SEPTIN12: variants seen among roughly 807,000 people sequenced by gnomAD.
The protein encoded by SEPTIN12 is septin-12.
Under a neutral mutation model 37.7 loss-of-function variants are expected in SEPTIN12, and 42 were observed. The ratio of observed to expected loss-of-function variants is 1.11; its 90% CI spans 0.87 to 1.44. SEPTIN12 has a LOEUF of 1.44. Ranked by LOEUF, SEPTIN12 falls within the 40% of genes most tolerant of loss-of-function variation. The pLI, the probability that SEPTIN12 is intolerant of heterozygous loss-of-function variation, is 0.00. For missense variants in SEPTIN12, 613 were observed against 479.2 expected, an observed-to-expected ratio of 1.28 and a Z score of -2.61; for synonymous variants, 254 against 196.7, an observed-to-expected ratio of 1.29 and a Z score of -2.44.
chr16:4,789,756 G>A (rs2082521589), upstream of SEPTIN12, among the ~76,000 whole-genome samples: 1 of 151,984 alleles, frequency 6.6e-6, no homozygotes. Flanking sequence ...ACCATGCCCA[G>A]CCTGATAAGC....
rs765671529 is a variant in SEPTIN12 at position 4,786,022 on chromosome 16, C to T, written c.250G>A (p.Val84Met). The change falls in exon 3 of 10, where the codon GTG (valine) becomes ATG (methionine). Residue 84 changes from valine (V) to methionine (M), a missense_variant. Transcript: ENST00000268231. ...AGCTGCAGCGTCTGGGGTGTGGGCACCCCCAAGCCCGGTGGGTTTGACTTC... is the reference window on the plus strand; with the variant it reads ...AGCTGCAGCGTCTGGGGTGTGGGCATCCCCAAGCCCGGTGGGTTTGACTTC... ...VWKSNPPGLGVPTPQTLQLHS... is the reference protein window; with the variant it reads ...VWKSNPPGLGMPTPQTLQLHS... 3.1e-6 allele frequency: 5 copies of T among 1,613,756 alleles called. No homozygotes were observed. In the East Asian group the frequency reaches 6.7e-5, roughly 22 times the overall value.
rs2082477024 is a variant in SEPTIN12, at chr16:4,787,570, T to C, written c.76A>G (p.Met26Val). The C allele has an allele frequency of 1.2e-6, 2 of 1,610,140 alleles. No homozygotes were observed. Among genetic ancestry groups the C allele is most frequent in the African/African-American group, 1.3e-5 (1 of 74,906 alleles). Residue 26 changes from methionine (M) to valine (V), a missense_variant, in exon 2 of 10, where the codon ATG becomes GTG. Physicochemically the swap from Met to Val is conservative, Grantham distance 21. Coordinates refer to ENST00000268231, the MANE Select transcript of SEPTIN12 (RefSeq NM_144605.5). ...GCCTCAATGCCCACAGGACCAAGCATCTCGCAGGGTGGGGTGCTGGGGCTG... is the reference window on the plus strand; with the variant it reads ...GCCTCAATGCCCACAGGACCAAGCACCTCGCAGGGTGGGGTGCTGGGGCTG... ...PSSPSTPPCE[M>V]LGPVGIEAVL...
In SEPTIN12 at chr16:4,783,633, C is replaced by T. The variant is rs567456707; in HGVS notation, c.630+16G>A. ...TGCCCCCGCTGACCCCAGCCCTGCC[C>T]GGGCATCCAGATCACCCTGCGCCTG... is the stretch of plus-strand genomic sequence containing the variant. On this transcript the variant is annotated intron_variant, in intron 6 of 9. Coordinates refer to ENST00000268231, the MANE Select transcript of SEPTIN12 (RefSeq NM_144605.5). 27 of 1,612,618 alleles carry T rather than the reference C, an allele frequency of 1.7e-5. No individual in the cohort carries two copies. The highest frequency in any genetic ancestry group is 1.5e-4 in the African/African-American group (11 of 75,042).
chr16:4,789,707 C>G (rs1182570084), upstream of SEPTIN12, among the ~76,000 whole-genome samples: 2 of 152,110 alleles, frequency 1.3e-5, no homozygotes, highest in African/African-American at 4.8e-5. Flanking sequence ...GATCCTCTCA[C>G]CTCAGCCTCC....
chr16:4,790,437 C>A (rs889534109), upstream of SEPTIN12, among the ~76,000 whole-genome samples: 2 of 152,186 alleles, frequency 1.3e-5, 1 homozygote, highest in Admixed American at 1.3e-4. Context: ...TACCTTCTGC[C>A]AGTTCTTCCT....
rs1003907586 is a variant in SEPTIN12, at chr16:4,779,883, C to G, written c.727-97G>C. On this transcript the variant is annotated intron_variant, in intron 7 of 9. Coordinates refer to ENST00000268231, the MANE Select transcript of SEPTIN12 (RefSeq NM_144605.5). ...CCAGGCAGGAGAGGGGAGTCCTATCCTTTTCGAGGAGGGAACATGGTAGAA... is the reference window on the plus strand; with the variant it reads ...CCAGGCAGGAGAGGGGAGTCCTATCGTTTTCGAGGAGGGAACATGGTAGAA... 5.4e-5 allele frequency: 42 copies of G among 780,404 alleles called. 1 individual carries two copies. In the South Asian group the frequency reaches 5.8e-4, roughly 11 times the overall value. 48.3% of individuals were successfully genotyped at this position (780,404 alleles called of 1,614,324 possible).
intron 8 of SEPTIN12, 128 bp downstream of exon 8, chr16:4,779,562 T>C (rs867248989): frequency 2.7e-4 from 189 of 703,478 alleles, no homozygotes; most frequent in Middle Eastern, 8.0e-4. Flanking sequence ...AGAGGGACCA[T>C]TCCCCAGGGC....
upstream of SEPTIN12, among the ~76,000 whole-genome samples, chr16:4,788,938 G>C (rs2082504130): frequency 6.6e-6 from 1 of 152,184 alleles, no homozygotes; most frequent in Admixed American, 6.6e-5. Context: ...CCTGACTTGA[G>C]ATGCCCTCTT....
In SEPTIN12 at chr16:4,787,574, G is replaced by C; in HGVS notation, c.72C>G (p.Cys24Trp). ...SQPSSPSTPP[C>W]EMLGPVGIEA... The stretch of plus-strand genomic sequence containing the variant: ...CAATGCCCACAGGACCAAGCATCTC[G>C]CAGGGTGGGGTGCTGGGGCTGGAGG... The change falls in exon 2 of 10, where the codon TGC becomes TGG. Residue 24 changes from cysteine (C) to tryptophan (W), a missense_variant. Physicochemically the swap from Cys to Trp is radical, Grantham distance 215 (BLOSUM62 -2). Coordinates refer to ENST00000268231, the MANE Select transcript of SEPTIN12 (RefSeq NM_144605.5). The C allele has an allele frequency of 6.2e-7, 1 of 1,609,612 alleles. No individual in the cohort carries two copies. Among genetic ancestry groups the C allele is most frequent in the Non-Finnish European group, 8.5e-7 (1 of 1,179,538 alleles).
intron 4 of SEPTIN12, 191 bp from the exon 5 acceptor site, chr16:4,784,259 C>T: frequency 1.7e-6 from 1 of 602,420 alleles, no homozygotes. Flanking sequence ...AGACCTCCTG[C>T]CATTCTCGGC....
At chr16:4,783,303 T>G (rs1158719518) in intron 7 of SEPTIN12, 159 bp downstream of exon 7, 1 of 653,674 alleles carries the variant, frequency 1.5e-6, no homozygotes, top group South Asian at 1.8e-5. Flanking sequence ...TGTGAGCTGT[T>G]ATTTCTTGCT....
At chr16:4,787,074 C>G (rs746804138) in intron 2 of SEPTIN12, among the ~76,000 whole-genome samples, 10 of 152,112 alleles carry the variant, frequency 6.6e-5, no homozygotes, top group Non-Finnish European at 1.3e-4. Context: ...CGGAGTTTCC[C>G]CATGTTGGCC....
rs1047483377 is a variant in SEPTIN12, at chr16:4,778,212, C to T, written c.824-75G>A. On this transcript the variant is annotated intron_variant, in intron 8 of 9. Transcript: ENST00000268231. ...AGTGCCTACTGTATGCACCACCTGA[C>T]ACCATTTCCCTTAGCCCTTTTCCCA... 10 of 1,444,792 alleles carry T rather than the reference C, an allele frequency of 6.9e-6. No individual in the cohort carries two copies. In the Admixed American group the frequency reaches 8.5e-5, roughly 12 times the overall value. 89.5% of individuals were successfully genotyped at this position (1,444,792 alleles called of 1,614,324 possible). A position where few individuals can be genotyped will look rare whatever the true frequency, so the allele number is the denominator to read the frequency against.
chr16:4,778,965 C>G (rs571776445), intron 8 of SEPTIN12, among the ~76,000 whole-genome samples: 1 of 151,700 alleles, frequency 6.6e-6, no homozygotes, highest in South Asian at 2.1e-4. Flanking sequence ...AGTGAAACCC[C>G]GTCTCTCATA....
intron 8 of SEPTIN12, among the ~76,000 whole-genome samples, chr16:4,779,070 G>C (rs898663418): frequency 3.7e-4 from 56 of 151,944 alleles, no homozygotes; most frequent in Non-Finnish European, 6.0e-4. Flanking sequence ...CCCAGGAGGC[G>C]GAGGTTGCAG....
chr16:4,789,243 C>G (rs755843645), upstream of SEPTIN12, among the ~76,000 whole-genome samples: 2 of 152,160 alleles, frequency 1.3e-5, no homozygotes, highest in Non-Finnish European at 2.9e-5. Flanking sequence ...AGCTTCTGAC[C>G]TCAAGTGATC....
rs892191566 is a variant in SEPTIN12, at chr16:4,785,188, T to G, written c.374+619A>C. Among the ~76,000 whole-genome samples the G allele has an allele frequency of 1.1e-4, 16 of 151,018 alleles. 1 individual carries two copies. The highest frequency in any genetic ancestry group is 3.9e-4 in the African/African-American group (16 of 40,982). On this transcript the variant is annotated intron_variant, in intron 4 of 9. Coordinates refer to ENST00000268231, the MANE Select transcript of SEPTIN12 (RefSeq NM_144605.5). ...TTGCTTGAACCCCGGGAGGCGGAGG[T>G]TGCAGTGAGCAGAGATTGTGCCACT... is the stretch of plus-strand genomic sequence containing the variant.
chr16:4,779,293 C>T (rs1288245251), intron 8 of SEPTIN12, among the ~76,000 whole-genome samples: 1 of 152,126 alleles, frequency 6.6e-6, no homozygotes. Context: ...GTCCTGTCAG[C>T]TCTATGGGGA....
In SEPTIN12 at chr16:4,787,613, GCA is replaced by G; in HGVS notation, c.31_32del (p.Cys11ProfsTer22). On this transcript the variant is annotated frameshift_variant, in exon 2 of 10. Transcript: ENST00000268231. LOFTEE classifies it high-confidence loss of function. ...TGGGGCTGGAGGGCTGCGAGGACAG[GCA>G]GGGAGAGGGGGAGCGCCTCAGGGGG... Reference protein sequence around the residue: MDPLRRSPSPCLSSQPSSPST... With the variant: MDPLRRSPSPXLSSQPSSPST... 6.2e-7 allele frequency: 1 copy of G among 1,601,948 alleles called. No homozygotes were observed. The highest frequency in any genetic ancestry group is 8.5e-7 in the Non-Finnish European group (1 of 1,178,560).
Sources: allele counts gnomAD v4.1 joint callset (sites outside exome capture counted in the v4.1 genomes callset), GRCh38; gene constraint gnomAD v4.1.1; transcripts MANE v1.5; gene names NCBI Gene and HGNC (gene_info 2026-07-23, HGNC 2026-07-21).